TENM2: variants seen among roughly 807,000 people sequenced by gnomAD.
TENM2 encodes teneurin transmembrane protein 2, also known as teneurin-2.
In TENM2, 52 loss-of-function variants were observed where a neutral mutation model predicts 245.2. The observed-to-expected ratio is 0.21, with a 90% CI of 0.17 to 0.27. TENM2 has a LOEUF of 0.27. Among genes scored for constraint, TENM2 ranks in the 10% least tolerant of loss-of-function variants. The pLI is 1.00. For synonymous variants in TENM2, 1,363 were observed against 1,438.9 expected (o/e 0.95, Z 1.19); for missense variants, 3,046 against 3,666.8 (o/e 0.83, Z 4.37).
intron 2 of TENM2, among the ~76,000 whole-genome samples, chr5:167,849,886 C>T (rs1220235860): frequency 1.3e-5 from 2 of 152,178 alleles, no homozygotes; most frequent in Admixed American, 6.5e-5. Flanking sequence ...AAGTATGCCA[C>T]CCTCCAGGAA....
the TENM2 span, among the ~76,000 whole-genome samples, chr5:167,053,812 G>A: frequency 1.3e-5 from 2 of 152,048 alleles, no homozygotes; most frequent in African/African-American, 4.8e-5. Context: ...ATTATATAAG[G>A]TTGCATAACT....
chr5:167,208,993 G>T, the TENM2 span, among the ~76,000 whole-genome samples: 1 of 152,178 alleles, frequency 6.6e-6, no homozygotes, highest in Non-Finnish European at 1.5e-5. Flanking sequence ...TTCTATAGCT[G>T]TCAAGTGGGA....
At chr5:167,177,908 C>G in the TENM2 span, among the ~76,000 whole-genome samples, 1 of 152,214 alleles carries the variant, frequency 6.6e-6, no homozygotes, top group Non-Finnish European at 1.5e-5. Context: ...ATGGTCCCTA[C>G]TATAAAACAC....
chr5:167,427,583 A>G (rs1408633799), intron 2 of TENM2, among the ~76,000 whole-genome samples: 23 of 121,270 alleles, frequency 1.9e-4, no homozygotes, highest in African/African-American at 8.7e-4. Context: ...AAGGACGGGA[A>G]GGAAGGGAAG....
At chr5:166,991,126 T>C in the TENM2 span, among the ~76,000 whole-genome samples, 1 of 152,042 alleles carries the variant, frequency 6.6e-6, no homozygotes. Flanking sequence ...CAAAAATGTT[T>C]CAATTAAGTC....
intron 9 of TENM2, among the ~76,000 whole-genome samples, chr5:168,110,351 C>T (rs1794586316): frequency 6.6e-6 from 1 of 152,124 alleles, no homozygotes; most frequent in African/African-American, 2.4e-5. Context: ...ATGTGCCAGG[C>T]TCTGTGCACA....
chr5:167,446,193 T>G (rs1280254469), intron 2 of TENM2, among the ~76,000 whole-genome samples: 2 of 152,206 alleles, frequency 1.3e-5, no homozygotes, highest in Non-Finnish European at 2.9e-5. Flanking sequence ...TTTAGTGTTT[T>G]GTCAAAGGTT....
chr5:168,036,707 G>GTGTATATATATATATGTATGTGTA (rs1562081574), intron 5 of TENM2, among the ~76,000 whole-genome samples: 1 of 114,192 alleles, frequency 8.8e-6, no homozygotes, highest in African/African-American at 3.9e-5. Context: ...ATATGTATGT[G>GTGTATATATATATATGTATGTGTA]TATATATATG....
chr5:167,313,112 A>T (rs1244341601), intron 1 of TENM2, among the ~76,000 whole-genome samples: 3 of 152,068 alleles, frequency 2.0e-5, no homozygotes, highest in Admixed American at 1.3e-4. Context: ...CAAGTTGGCC[A>T]GGCTGGCCTC....
chr5:167,569,776 G>A (rs1774153071), intron 2 of TENM2, among the ~76,000 whole-genome samples: 2 of 152,120 alleles, frequency 1.3e-5, no homozygotes, highest in South Asian at 4.1e-4. Flanking sequence ...ACATGGATTA[G>A]CTATTAAGTT....
the TENM2 span, among the ~76,000 whole-genome samples, chr5:167,040,081 A>G: frequency 2.9e-4 from 44 of 152,276 alleles, no homozygotes; most frequent in African/African-American, 1.0e-3. Flanking sequence ...ATAAGTAAAT[A>G]TAAGTATTTC....
the TENM2 span, among the ~76,000 whole-genome samples, chr5:167,018,864 T>C: frequency 6.6e-6 from 1 of 152,208 alleles, no homozygotes; most frequent in Non-Finnish European, 1.5e-5. Context: ...GCTTCAATTC[T>C]CACATTTGTA....
chr5:168,055,483 C>T (rs1035543750), intron 6 of TENM2, among the ~76,000 whole-genome samples: 3 of 152,170 alleles, frequency 2.0e-5, no homozygotes, highest in Non-Finnish European at 4.4e-5. Flanking sequence ...CTCTGACCAT[C>T]GTATCTTAAT....
At chr5:167,481,713 G>C (rs892308700) in intron 2 of TENM2, among the ~76,000 whole-genome samples, 1 of 152,172 alleles carries the variant, frequency 6.6e-6, no homozygotes, top group Non-Finnish European at 1.5e-5. Flanking sequence ...TACAATAAAT[G>C]CCGGTGATAG....
the TENM2 span, among the ~76,000 whole-genome samples, chr5:167,177,203 T>G: frequency 6.6e-6 from 1 of 152,210 alleles, no homozygotes; most frequent in East Asian, 1.9e-4. Flanking sequence ...GCCTAAAAGA[T>G]TTAACAATGG....
chr5:167,046,157 A>G, the TENM2 span, among the ~76,000 whole-genome samples: 1 of 152,306 alleles, frequency 6.6e-6, no homozygotes, highest in Admixed American at 6.5e-5. Context: ...TACTGTGGTT[A>G]CCTTCCAAAT....
chr5:167,098,577 A>G, the TENM2 span, among the ~76,000 whole-genome samples: 3 of 152,166 alleles, frequency 2.0e-5, no homozygotes, highest in African/African-American at 7.2e-5. Flanking sequence ...TTATTAAAGA[A>G]GAGATTAGCA....
chr5:168,048,565 T>C (rs1249464494), intron 6 of TENM2, among the ~76,000 whole-genome samples: 1 of 152,202 alleles, frequency 6.6e-6, no homozygotes, highest in African/African-American at 2.4e-5. Flanking sequence ...CCAGAAGGTA[T>C]AGAAACTTAC....
At chr5:167,725,781 T>C (rs929542856) in intron 2 of TENM2, among the ~76,000 whole-genome samples, 2 of 152,188 alleles carry the variant, frequency 1.3e-5, no homozygotes, top group Non-Finnish European at 2.9e-5. Flanking sequence ...GGGTCACGCT[T>C]AAGCTCCTCC....
Sources: gnomAD v4.1 joint callset for allele counts (sites outside exome capture counted in the v4.1 genomes callset) on GRCh38, gnomAD v4.1.1 for gene constraint, MANE v1.5 for transcripts, NCBI Gene and HGNC (gene_info 2026-07-23, HGNC 2026-07-21) for gene names.